The following CFAP47 variants were observed in gnomAD, a reference collection of about 807,000 sequenced individuals.
CFAP47 encodes the protein cilia and flagella associated protein 47, also known as cilia- and flagella-associated protein 47.
A neutral mutation model predicts 148.1 loss-of-function variants in CFAP47; 29 were observed. The ratio of observed to expected loss-of-function variants is 0.20; its 90% confidence interval spans 0.15 to 0.27. CFAP47 has a LOEUF of 0.27. CFAP47 is among the 10% of genes least tolerant of loss of function. The probability of loss-of-function intolerance (pLI) is 1.00; values close to 1 mark genes in which losing one functional copy is unlikely to be tolerated. For synonymous variants in CFAP47, 664 were observed against 577.3 expected (o/e 1.15, Z -2.15); for missense variants, 1,872 against 1,697.5 (o/e 1.10, Z -1.81).
chrX:36,163,095 G>A (rs141458914), intron 39 of CFAP47, among the ~76,000 whole-genome samples: 3,389 of 111,836 alleles, frequency 0.03, 129 homozygotes, highest in African/African-American at 0.1. Flanking sequence ...AGCCTGTTCA[G>A]ATTTTCTGTT....
intron 29 of CFAP47, among the ~76,000 whole-genome samples, chrX:36,081,715 G>A (rs905806856): frequency 1.2e-4 from 13 of 111,360 alleles, no homozygotes; most frequent in South Asian, 7.6e-4. Flanking sequence ...ATGATTCACC[G>A]CATGTAAGGA....
Position 36,001,618 on chromosome X carries a change from T to C in CFAP47, c.3328T>C (p.Phe1110Leu), listed in dbSNP as rs1158595529. 3.4e-5 allele frequency: 10 copies of C among 294,236 alleles called. No homozygotes were observed. Among genetic ancestry groups the C allele is most frequent in the Non-Finnish European group, 5.9e-5 (10 of 168,713 alleles). The allele number at this position is 294,236 out of a possible 1,213,427, so 24.2% of individuals were successfully genotyped here. ...TACTTTTTCACCTCTTACAGAAGAA[T>C]TTAAAGACCCTGCAGTTCCTTATAT... ...SMDLKDKSEE[F>L]KDPAVPYIYS... The change falls in exon 21 of 64, where the codon TTT becomes CTT. Residue 1110 changes from phenylalanine (F) to leucine (L), a missense_variant. Transcript: ENST00000378653.
intron 3 of CFAP47, 129 bp from the exon 4 acceptor site, chrX:35,948,185 C>T: frequency 2.0e-6 from 1 of 502,783 alleles, no homozygotes; most frequent in South Asian, 3.5e-5. Context: ...TCCTGGGCTG[C>T]ATGTGGCCCA....
chrX:36,047,531 A>G (rs1229863411), intron 26 of CFAP47, among the ~76,000 whole-genome samples: 5 of 112,282 alleles, frequency 4.5e-5, no homozygotes, highest in Non-Finnish European at 9.4e-5. Context: ...GGAGATTTCA[A>G]ATACATCTTG....
At chrX:36,167,100 C>T (rs747313282) in intron 39 of CFAP47, among the ~76,000 whole-genome samples, 75 of 111,711 alleles carry the variant, frequency 6.7e-4, no homozygotes, top group African/African-American at 2.4e-3. Context: ...TCTCCTTCAC[C>T]AGTTCTCTCC....
At position 36,292,869 on chromosome X, in the gene CFAP47, A is replaced by G. The variant is rs782540075; in HGVS notation, c.7687-6108A>G. On this transcript the variant is annotated intron_variant, in intron 51 of 63. Coordinates refer to ENST00000378653, the MANE Select transcript of CFAP47 (RefSeq NM_001304548.2). ...TAGATTTTTACAAAGTTGCTTTATT[A>G]TTTAGTTAAAAGTTGTGATTATCCA... 4.5e-5 allele frequency among the ~76,000 whole-genome samples: 5 copies of G among 111,542 alleles called. No homozygotes were observed. In the East Asian group the frequency reaches 1.4e-3, roughly 31 times the overall value.
At chrX:36,045,727 G>T (rs773438720) in intron 25 of CFAP47, among the ~76,000 whole-genome samples, 17 of 112,005 alleles carry the variant, frequency 1.5e-4, no homozygotes, top group Admixed American at 1.9e-4. Flanking sequence ...CAATTAAATT[G>T]TGCTAGAAAG....
intron 37 of CFAP47, among the ~76,000 whole-genome samples, chrX:36,156,055 TA>T (rs1418762284): frequency 1.8e-5 from 2 of 111,372 alleles, no homozygotes; most frequent in African/African-American, 6.5e-5. Context: ...TGAACACATA[TA>T]AAAAACAACT....
intron 36 of CFAP47, among the ~76,000 whole-genome samples, chrX:36,148,191 G>A (rs964331160): frequency 1.8e-5 from 2 of 111,521 alleles, no homozygotes; most frequent in Non-Finnish European, 3.8e-5. Context: ...TATGGGTAAG[G>A]GGGGATTCTG....
At chrX:35,944,334 A>G (rs1936055193) in intron 3 of CFAP47, among the ~76,000 whole-genome samples, 1 of 111,370 alleles carries the variant, frequency 9.0e-6, no homozygotes, top group African/African-American at 3.3e-5. Flanking sequence ...CATGCATAAC[A>G]TAACCCTAAT....
At chrX:36,095,328 G>A (rs1440465958) in intron 30 of CFAP47, among the ~76,000 whole-genome samples, 1 of 111,772 alleles carries the variant, frequency 8.9e-6, no homozygotes, top group Non-Finnish European at 1.9e-5. Flanking sequence ...ATATTCATCA[G>A]GGATATTGGA....
At chrX:36,266,578 C>T (rs1443831152) in intron 49 of CFAP47, among the ~76,000 whole-genome samples, 9 of 109,072 alleles carry the variant, frequency 8.3e-5, no homozygotes, top group African/African-American at 2.7e-4. Flanking sequence ...CAAATGCCTT[C>T]TGGTGGGAGG....
intron 33 of CFAP47, among the ~76,000 whole-genome samples, chrX:36,119,995 A>G (rs1601992351): frequency 9.5e-6 from 1 of 104,964 alleles, no homozygotes. Context: ...TTTTCAACAC[A>G]TCAGCTTTTT....
In CFAP47 at chrX:36,099,784, A is replaced by G. The variant is rs751678703; in HGVS notation, c.5032A>G (p.Thr1678Ala). The G allele has an allele frequency of 1.1e-6, 1 of 874,426 alleles. No homozygotes were observed. Among genetic ancestry groups the G allele is most frequent in the South Asian group, 2.0e-5 (1 of 49,123 alleles). 72.1% of individuals were successfully genotyped at this position (874,426 alleles called of 1,213,427 possible). A position where few individuals can be genotyped will look rare whatever the true frequency, so the allele number is the denominator to read the frequency against. The change falls in exon 32 of 64, where the codon ACA (threonine) becomes GCA (alanine). Residue 1678 changes from threonine to alanine, a missense_variant. Coordinates refer to ENST00000378653, the MANE Select transcript of CFAP47 (RefSeq NM_001304548.2). The stretch of plus-strand genomic sequence containing the variant: ...TAATACGATGCCTGTGAGTTCCTGT[A>G]CACCTAAGAAAAAATGTTCTATTGT... ...STNTMPVSSC[T>A]PKKKCSIVIE...
At chrX:36,183,889 G>A (rs1335213502) in intron 40 of CFAP47, among the ~76,000 whole-genome samples, 6 of 111,412 alleles carry the variant, frequency 5.4e-5, no homozygotes, top group Admixed American at 9.6e-5. Flanking sequence ...GAGTACTTTG[G>A]CAATTATTTC....
intron 49 of CFAP47, among the ~76,000 whole-genome samples, chrX:36,271,946 A>G (rs781892366): frequency 5.4e-5 from 6 of 112,000 alleles, no homozygotes; most frequent in Non-Finnish European, 9.4e-5. Context: ...CAGGCACATC[A>G]ATTTGAGAGT....
chrX:36,373,718 A>G (rs1027334396), intron 62 of CFAP47, among the ~76,000 whole-genome samples: 10 of 111,940 alleles, frequency 8.9e-5, no homozygotes, highest in African/African-American at 3.2e-4. Flanking sequence ...CTTTTCATAA[A>G]TGACCTTTAT....
chrX:36,172,986 T>C (rs1939607021), intron 39 of CFAP47, among the ~76,000 whole-genome samples: 1 of 111,135 alleles, frequency 9.0e-6, no homozygotes, highest in African/African-American at 3.3e-5. Context: ...CTCCTGTTAT[T>C]GGTCTATTCA....
intron 57 of CFAP47, among the ~76,000 whole-genome samples, chrX:36,345,320 C>T (rs782095121): frequency 1.6e-4 from 18 of 111,300 alleles, no homozygotes; most frequent in Non-Finnish European, 2.8e-4. Flanking sequence ...TCCAGAGATG[C>T]GGTACAGGGT....
Sources: gnomAD v4.1 joint callset for allele counts (sites outside exome capture counted in the v4.1 genomes callset) on GRCh38, gnomAD v4.1.1 for gene constraint, MANE v1.5 for transcripts, NCBI Gene and HGNC (gene_info 2026-07-23, HGNC 2026-07-21) for gene names.